Variants in LTBP1 observed in about 807,000 individuals in gnomAD.
The protein encoded by LTBP1 is latent transforming growth factor beta binding protein 1, also known as latent-transforming growth factor beta-binding protein 1.
A neutral mutation model predicts 207.6 loss-of-function variants in LTBP1; 129 were observed. That is an observed-to-expected ratio of 0.62 (90% CI 0.54 to 0.72). The LOEUF (loss-of-function observed/expected upper bound fraction) is 0.72. Ranked by LOEUF, LTBP1 falls within the 30% of genes least tolerant of loss-of-function variation. The pLI, the probability that LTBP1 is intolerant of heterozygous loss-of-function variation, is 0.00. For synonymous variants in LTBP1, 963 were observed against 833.7 expected (o/e 1.16, Z -2.67); for missense variants, 2,281 against 2,217.2 (o/e 1.03, Z -0.58).
intron 2 of LTBP1, among the ~76,000 whole-genome samples, chr2:32,978,587 T>C (rs1682208843): frequency 6.6e-6 from 1 of 152,118 alleles, no homozygotes; most frequent in South Asian, 2.1e-4. Flanking sequence ...AATGTTTTGT[T>C]GAATTTGGTT....
At chr2:33,375,541 A>G (rs57818140) in intron 31 of LTBP1, among the ~76,000 whole-genome samples, 3,060 of 151,674 alleles carry the variant, frequency 0.02, 108 homozygotes, top group African/African-American at 0.071. Flanking sequence ...TTGTTTGTTT[A>G]TTTTGAGACG....
At chr2:33,084,085 AG>A (rs1253523614) in intron 3 of LTBP1, among the ~76,000 whole-genome samples, 1 of 152,198 alleles carries the variant, frequency 6.6e-6, no homozygotes, top group African/African-American at 2.4e-5. Context: ...TTCCATTTAA[AG>A]GGTAAGCTGC....
chr2:33,126,984 A>G (rs1347503792), intron 4 of LTBP1, among the ~76,000 whole-genome samples: 1 of 152,224 alleles, frequency 6.6e-6, no homozygotes, highest in Non-Finnish European at 1.5e-5. Flanking sequence ...ATGAAACTTG[A>G]GAGTTGTTTT....
chr2:33,262,419 C>T (rs1299464453), intron 13 of LTBP1, among the ~76,000 whole-genome samples: 2 of 151,990 alleles, frequency 1.3e-5, no homozygotes, highest in Non-Finnish European at 2.9e-5. Flanking sequence ...GACCCCTGGG[C>T]CAAGACATTT....
At chr2:33,320,129 G>T (rs1371937704) in intron 24 of LTBP1, among the ~76,000 whole-genome samples, 1 of 152,172 alleles carries the variant, frequency 6.6e-6, no homozygotes, top group Non-Finnish European at 1.5e-5. Flanking sequence ...AGCACTTTGG[G>T]AGGCTGAGGC....
chr2:33,153,806 C>G (rs2083731777), intron 5 of LTBP1, among the ~76,000 whole-genome samples: 1 of 152,210 alleles, frequency 6.6e-6, no homozygotes, highest in South Asian at 2.1e-4. Context: ...TGTGAGCATT[C>G]TTTAGCAGTC....
At chr2:32,974,533 G>C (rs965253327) in intron 2 of LTBP1, among the ~76,000 whole-genome samples, 1 of 152,056 alleles carries the variant, frequency 6.6e-6, no homozygotes, top group Admixed American at 6.6e-5. Context: ...CATTCTGTGG[G>C]TTGTCTCTTC....
At chr2:32,970,514 G>A (rs1019856952) in intron 2 of LTBP1, among the ~76,000 whole-genome samples, 2 of 152,120 alleles carry the variant, frequency 1.3e-5, no homozygotes, top group Non-Finnish European at 2.9e-5. Context: ...ATTGAATAAG[G>A]AGTCTTTTCT....
intron 4 of LTBP1, among the ~76,000 whole-genome samples, chr2:33,118,383 A>T (rs926716113): frequency 6.6e-6 from 1 of 152,224 alleles, no homozygotes; most frequent in Non-Finnish European, 1.5e-5. Context: ...TGTTTTAAAG[A>T]AGGAATAATG....
At chr2:33,309,280 C>CA (rs200196283) in intron 22 of LTBP1, among the ~76,000 whole-genome samples, 154 bp from the exon 23 acceptor site, 2,524 of 69,048 alleles carry the variant, frequency 0.037, 28 homozygotes, top group East Asian at 0.053. Context: ...GACTCCGTCT[C>CA]AAAAAAAAAA....
At chr2:33,338,910 G>A (rs1459646957) in intron 24 of LTBP1, among the ~76,000 whole-genome samples, 1 of 152,180 alleles carries the variant, frequency 6.6e-6, no homozygotes, top group African/African-American at 2.4e-5. Flanking sequence ...GAGGAAGGGT[G>A]CTCCATGCCC....
chr2:33,310,756 C>T (rs781197048), intron 23 of LTBP1, among the ~76,000 whole-genome samples: 1 of 152,168 alleles, frequency 6.6e-6, no homozygotes, highest in Non-Finnish European at 1.5e-5. Context: ...AAATTAAATT[C>T]TCTAGGTTCT....
intron 22 of LTBP1, among the ~76,000 whole-genome samples, chr2:33,307,897 C>G (rs560616727): frequency 6.6e-6 from 1 of 152,208 alleles, no homozygotes; most frequent in African/African-American, 2.4e-5. Flanking sequence ...AGTACAGAAG[C>G]CTGTTAATTG....
In LTBP1 at chr2:33,152,025, A is replaced by G. The variant is rs185394389; in HGVS notation, c.1201+17065A>G. Among the ~76,000 whole-genome samples the G allele has an allele frequency of 2.3e-3, 344 of 152,258 alleles. 2 individuals are homozygous for G. The highest frequency in any genetic ancestry group is 2.8e-3 in the Non-Finnish European group (188 of 68,012). On this transcript the variant is annotated intron_variant, in intron 5 of 33. Coordinates refer to ENST00000404816, the MANE Select transcript of LTBP1 (RefSeq NM_206943.4). ...GGGCTTAGGCAAGAATTTTGTGACTAAGAACCCGAAAGCAAATGCAATAAA... is the reference window on the plus strand; with the variant it reads ...GGGCTTAGGCAAGAATTTTGTGACTGAGAACCCGAAAGCAAATGCAATAAA...
chr2:33,253,304 T>C (rs987346438), intron 11 of LTBP1, among the ~76,000 whole-genome samples: 1 of 152,242 alleles, frequency 6.6e-6, no homozygotes, highest in African/African-American at 2.4e-5. Context: ...TGATTGAATT[T>C]ACGCTATGAA....
rs1298456938 is a variant in LTBP1, at chr2:33,031,933, G to T, written c.863+10727G>T. Among the ~76,000 whole-genome samples the T allele has an allele frequency of 4.6e-5, 7 of 152,284 alleles. No individual in the cohort carries two copies. The East Asian group carries it at 1.4e-3, about 29-fold the overall frequency. On this transcript the variant is annotated intron_variant, in intron 3 of 33. Coordinates refer to ENST00000404816, the MANE Select transcript of LTBP1 (RefSeq NM_206943.4). ...GAGAGTGTGAGGGAAGGCCTGGGAG[G>T]CTGGCTGCTGGGCAGATGAGAGAGA...
intron 3 of LTBP1, among the ~76,000 whole-genome samples, chr2:33,021,735 T>G (rs1418156915): frequency 1.3e-5 from 2 of 152,144 alleles, no homozygotes; most frequent in African/African-American, 4.8e-5. Context: ...ATCTCCCAGT[T>G]GCCGTGTGGG....
intron 3 of LTBP1, among the ~76,000 whole-genome samples, chr2:33,096,899 T>TA (rs557594240): frequency 1.3e-5 from 2 of 151,998 alleles, no homozygotes; most frequent in Non-Finnish European, 2.9e-5. Flanking sequence ...AAATCAAAAC[T>TA]AAAAAAAGAG....
At chr2:33,294,805 C>T (rs899390937) in intron 20 of LTBP1, among the ~76,000 whole-genome samples, 1 of 151,578 alleles carries the variant, frequency 6.6e-6, no homozygotes, top group Admixed American at 6.6e-5. Flanking sequence ...TCTCGAACTC[C>T]TGACCTTTTG....
Sources: gnomAD v4.1 joint callset for allele counts (sites outside exome capture counted in the v4.1 genomes callset) on GRCh38, gnomAD v4.1.1 for gene constraint, MANE v1.5 for transcripts, NCBI Gene and HGNC (gene_info 2026-07-23, HGNC 2026-07-21) for gene names.